Variants in SCNN1A observed in about 807,000 individuals in gnomAD.
The protein encoded by SCNN1A is epithelial sodium channel subunit alpha.
A neutral mutation model predicts 68.6 loss-of-function variants in SCNN1A; 65 were observed. The observed-to-expected ratio is 0.95, with a 90% CI of 0.78 to 1.16. The LOEUF (loss-of-function observed/expected upper bound fraction) is 1.16. Among genes scored for constraint, SCNN1A ranks in the 50% most tolerant of loss-of-function variants. The pLI, the probability that SCNN1A is intolerant of heterozygous loss-of-function variation, is 0.00. For missense variants in SCNN1A, 880 were observed against 865.9 expected, an observed-to-expected ratio of 1.02 and a Z score of -0.20; for synonymous variants, 357 against 353.3, an observed-to-expected ratio of 1.01 and a Z score of -0.12.
At chr12:6,363,159 T>A (rs886765495) in intron 3 of SCNN1A, among the ~76,000 whole-genome samples, 24 of 147,768 alleles carry the variant, frequency 1.6e-4, no homozygotes, top group African/African-American at 5.7e-4. Flanking sequence ...ATAATAATAA[T>A]AAAAGTTCAT....
At position 6,348,084 on chromosome 12, in the gene SCNN1A, C is replaced by G. The variant is rs1418645502; in HGVS notation, c.1799G>C (p.Arg600Thr). Residue 600 changes from arginine to threonine, a missense_variant, in exon 13 of 13, where the codon AGG (arginine) becomes ACG (threonine). Coordinates refer to ENST00000228916, the MANE Select transcript of SCNN1A (RefSeq NM_001038.6). ...GGTGGAGGCTACCTCCTGAGCACCC[C>G]TGCCCCCTCGGCCTGGAGACCAGTA... The part of the protein sequence containing the change: ...SRYWSPGRGG[R>T]GAQEVASTLA... 3.1e-6 allele frequency: 5 copies of G among 1,614,084 alleles called. No individual in the cohort carries two copies. The highest frequency in any genetic ancestry group is 2.5e-6 in the Non-Finnish European group (3 of 1,179,984).
intron 4 of SCNN1A, 46 bp from the exon 5 acceptor site, chr12:6,355,926 G>A (rs1299189603): frequency 8.3e-7 from 1 of 1,205,372 alleles, no homozygotes; most frequent in East Asian, 2.3e-5. Context: ...AGTGTAGGTG[G>A]TGCAGGGAAT....
intron 3 of SCNN1A, 113 bp downstream of exon 3, chr12:6,363,330 G>T (rs1197125067): frequency 7.3e-6 from 6 of 816,422 alleles, no homozygotes; most frequent in Admixed American, 4.1e-5. Context: ...ACGAGGCCCC[G>T]CGTGGTGTCA....
At chr12:6,348,872 C>G (rs1316461237) in intron 11 of SCNN1A, 70 bp from the exon 12 acceptor site, 1 of 1,603,018 alleles carries the variant, frequency 6.2e-7, no homozygotes, top group African/African-American at 1.3e-5. Flanking sequence ...TCTAATCAAC[C>G]ATATCGATCC....
chr12:6,368,931 T>C (rs930974897), intron 2 of SCNN1A, among the ~76,000 whole-genome samples: 37 of 152,142 alleles, frequency 2.4e-4, no homozygotes, highest in Non-Finnish European at 4.6e-4. Context: ...CTTGGGGGGT[T>C]AAGTGAGAAA....
rs376838253 is a variant in SCNN1A at position 6,354,738 on chromosome 12, G to A, written c.1242+12C>T. 2.5e-6 allele frequency: 4 copies of A among 1,609,526 alleles called. 1 individual carries two copies. The highest frequency in any genetic ancestry group is 2.7e-5 in the African/African-American group (2 of 74,870). On this transcript the variant is annotated intron_variant, in intron 7 of 12. Coordinates refer to ENST00000228916, the MANE Select transcript of SCNN1A (RefSeq NM_001038.6). ...CTGGGAGTGGCTGCCACGGAATCAG[G>A]TTGGGCCTCACCTGCTGTGTGTACT...
rs1948820471 is a variant in SCNN1A at position 6,372,999 on chromosome 12, G to A, written c.416+1369C>T. Among the ~76,000 whole-genome samples, 2 of 152,098 alleles carry A rather than the reference G, an allele frequency of 1.3e-5. No homozygotes were observed. The highest frequency in any genetic ancestry group is 2.9e-5 in the Non-Finnish European group (2 of 68,032). Reference sequence around the variant, plus strand: ...GTAAAATAGGGATAACAATAGCACCGGGCTTGTAAGATGTGAGAATGAAAT... The same window carrying A: ...GTAAAATAGGGATAACAATAGCACCAGGCTTGTAAGATGTGAGAATGAAAT... On this transcript the variant is annotated intron_variant, in intron 2 of 12. Transcript: ENST00000228916. The surrounding 1 kb of genome is among the most constrained non-coding windows in gnomAD (Gnocchi z 5.8).
In SCNN1A at chr12:6,372,562, C is replaced by T. The variant is rs1046745685; in HGVS notation, c.416+1806G>A. On this transcript the variant is annotated intron_variant, in intron 2 of 12. Coordinates refer to ENST00000228916, the MANE Select transcript of SCNN1A (RefSeq NM_001038.6). This position sits in a 1 kb window ranked among gnomAD's most constrained non-coding sequence, Gnocchi z 5.8. ...CTTTTTCCTGGACTGTCTAGGGCCC[C>T]GCATCCAGCAGAACCTAAGAACTGT... is the stretch of plus-strand genomic sequence containing the variant. Among the ~76,000 whole-genome samples the T allele has an allele frequency of 1.3e-5, 2 of 152,200 alleles. No individual in the cohort carries two copies. Among genetic ancestry groups the T allele is most frequent in the Non-Finnish European group, 2.9e-5 (2 of 68,042 alleles).
intron 7 of SCNN1A, 23 bp from the exon 8 acceptor site, chr12:6,354,578 G>A (rs1179050931): frequency 1.3e-6 from 2 of 1,568,108 alleles, no homozygotes; most frequent in South Asian, 2.2e-5. Flanking sequence ...AGGGTGGAGA[G>A]GAGAGGGGGT....
intron 3 of SCNN1A, among the ~76,000 whole-genome samples, chr12:6,362,814 G>T (rs1407229877): frequency 6.7e-6 from 1 of 149,516 alleles, no homozygotes; most frequent in African/African-American, 2.5e-5. Context: ...TAAGTAGCTG[G>T]AACTACAGGC....
At chr12:6,356,021 C>T (rs1314194443) in intron 4 of SCNN1A, 141 bp from the exon 5 acceptor site, 3 of 737,522 alleles carry the variant, frequency 4.1e-6, no homozygotes, top group Non-Finnish European at 7.5e-6. Context: ...TCCTGATCAC[C>T]TACTATGTGC....
intron 2 of SCNN1A, 54 bp from the exon 3 acceptor site, chr12:6,363,764 G>A (rs1592076346): frequency 2.7e-6 from 4 of 1,498,766 alleles, no homozygotes; most frequent in East Asian, 2.5e-5. Flanking sequence ...CGAGTGTCTG[G>A]CCCCTCCGGG....
At position 6,355,433 on chromosome 12, in the gene SCNN1A, G is replaced by GACCT. The variant is rs1410468457; in HGVS notation, c.980-2_981dup (p.Leu328ArgfsTer12). The stretch of plus-strand genomic sequence containing the variant: ...TGCTCTGCGCGCAGCATCAGGGACA[G>GACCT]ACCTAGGGGTGCAGAGAGAGCAGAG... On this transcript the variant is annotated frameshift_variant and splice_region_variant, in exon 6 of 13. Coordinates refer to ENST00000228916, the MANE Select transcript of SCNN1A (RefSeq NM_001038.6). LOFTEE classifies it high-confidence loss of function. The GACCT allele has an allele frequency of 6.2e-7, 1 of 1,613,726 alleles. No homozygotes were observed. The highest frequency in any genetic ancestry group is 1.3e-5 in the African/African-American group (1 of 74,940).
chr12:6,375,092 C>G (rs889216233), intron 1 of SCNN1A: 38 of 1,514,030 alleles, frequency 2.5e-5, no homozygotes, highest in Admixed American at 6.0e-5. Flanking sequence ...CCTCTGCTTC[C>G]CTGATAGGGC....
rs199573198 is a variant in SCNN1A at position 6,363,560 on chromosome 12, C to A, written c.567G>T (p.Gln189His). The A allele has an allele frequency of 2.0e-4, 320 of 1,611,056 alleles. No homozygotes were observed. Among genetic ancestry groups the A allele is most frequent in the Non-Finnish European group, 2.6e-4 (309 of 1,178,866 alleles). The change falls in exon 3 of 13, where the codon CAG becomes CAT. Residue 189 changes from glutamine (Q) to histidine (H), a missense_variant. Gln to His is a conservative substitution (Grantham distance 24). Around this residue, in one of 3 missense-constraint regions of SCNN1A, gnomAD observed 758 missense variants for 721.8 expected, o/e 1.05. Coordinates refer to ENST00000228916, the MANE Select transcript of SCNN1A (RefSeq NM_001038.6). ...DLRGTLPHPL[Q>H]RLRVPPPPHG... The stretch of plus-strand genomic sequence containing the variant: ...GAGGCGGGGGCGGGACCCTCAGGCG[C>A]TGCAAGGGGTGCGGCAGAGTCCCCC...
At chr12:6,354,899 G>A (rs767290047) in intron 6 of SCNN1A, 51 bp from the exon 7 acceptor site, 23 of 1,433,814 alleles carry the variant, frequency 1.6e-5, no homozygotes, top group Non-Finnish European at 2.2e-5. Context: ...AGTGCCTCTG[G>A]GTTCTCTGCC....
At chr12:6,376,263 A>C, upstream of SCNN1A, 8 of 861,890 alleles carry the variant, frequency 9.3e-6, no homozygotes, top group Non-Finnish European at 1.1e-5. Context: ...ACCCCCTCCA[A>C]CCTTGTCCAG....
At chr12:6,357,710 A>G (rs1342571807) in intron 4 of SCNN1A, among the ~76,000 whole-genome samples, 4 of 152,218 alleles carry the variant, frequency 2.6e-5, no homozygotes, top group Non-Finnish European at 5.9e-5. Flanking sequence ...TTAAGAGCAC[A>G]GACTCAGCCA....
intron 2 of SCNN1A, among the ~76,000 whole-genome samples, chr12:6,368,232 TCA>T (rs1004821409): frequency 2.6e-5 from 4 of 152,154 alleles, no homozygotes; most frequent in African/African-American, 9.7e-5. Flanking sequence ...CAGAATAGAT[TCA>T]CAGTGACTCT....
Sources: allele counts gnomAD v4.1 joint callset (sites outside exome capture counted in the v4.1 genomes callset), GRCh38; gene constraint gnomAD v4.1.1; regional missense constraint gnomAD v4.1.1; non-coding constraint Gnocchi (gnomAD v3.1); transcripts MANE v1.5; gene names NCBI Gene and HGNC (gene_info 2026-07-23, HGNC 2026-07-21).